DISC1: variants seen among roughly 807,000 people sequenced by gnomAD.
DISC1 encodes DISC1 scaffold protein.
Under a neutral mutation model 84.5 loss-of-function variants are expected in DISC1, and 57 were observed. The ratio of observed to expected loss-of-function variants is 0.67; its 90% confidence interval spans 0.55 to 0.84. The LOEUF (loss-of-function observed/expected upper bound fraction) is 0.84, where lower values mean the gene tolerates loss of function less well. DISC1 is among the 40% of genes least tolerant of loss of function. The pLI is 0.00. For missense variants in DISC1, 1,000 were observed against 1,057.8 expected (o/e 0.95, Z 0.76); for synonymous variants, 411 against 415.2 (o/e 0.99, Z 0.12).
At chr1:231,872,723 C>T (rs2085557485) in intron 9 of DISC1, among the ~76,000 whole-genome samples, 1 of 152,042 alleles carries the variant, frequency 6.6e-6, no homozygotes. Context: ...GACAGGCACA[C>T]AGTCTTCACA....
intron 3 of DISC1, among the ~76,000 whole-genome samples, chr1:231,732,292 G>A (rs1472517889): frequency 6.6e-6 from 1 of 152,150 alleles, no homozygotes; most frequent in South Asian, 2.1e-4. Flanking sequence ...ACAACCTTGT[G>A]TCCAGTGTAT....
chr1:232,021,312 A>G (rs2103029158), intron 11 of DISC1, among the ~76,000 whole-genome samples: 2 of 149,996 alleles, frequency 1.3e-5, no homozygotes, highest in Middle Eastern at 3.4e-3. Flanking sequence ...TTTCTAGGAA[A>G]TTTTTACTGT....
In DISC1 at chr1:231,675,560, G is replaced by A. The variant is rs2063058998; in HGVS notation, c.68-18266G>A. Among the ~76,000 whole-genome samples, 1 of 152,148 alleles carries A rather than the reference G, an allele frequency of 6.6e-6. No individual in the cohort carries two copies. Among genetic ancestry groups the A allele is most frequent in the Non-Finnish European group, 1.5e-5 (1 of 68,028 alleles). ...TTTACTCTCAAAATTTCCTGGGCTA[G>A]TAGGTCTCTCAAGGTGGCTGAGAGA... On this transcript the variant is annotated intron_variant, in intron 1 of 12. Transcript: ENST00000439617. The surrounding 1 kb of genome is among the most constrained non-coding windows in gnomAD (Gnocchi z 4.1).
At chr1:231,859,385 G>A (rs568695896) in intron 9 of DISC1, among the ~76,000 whole-genome samples, 11 of 152,286 alleles carry the variant, frequency 7.2e-5, no homozygotes, top group South Asian at 4.1e-4. Flanking sequence ...TGGTAGATTC[G>A]GTGTCTGGTG....
At chr1:231,829,541 G>A (rs974608702) in intron 9 of DISC1, among the ~76,000 whole-genome samples, 2 of 152,042 alleles carry the variant, frequency 1.3e-5, no homozygotes, top group South Asian at 2.1e-4. Context: ...TGGTAGAGAC[G>A]GGATTATGCC....
chr1:231,972,873 G>A (rs113043518), intron 10 of DISC1, among the ~76,000 whole-genome samples: 2 of 152,184 alleles, frequency 1.3e-5, no homozygotes, highest in African/African-American at 4.8e-5. Context: ...CTGTTACTGA[G>A]AGTGGTGACC....
intron 9 of DISC1, among the ~76,000 whole-genome samples, chr1:231,864,334 C>T (rs1471453582): frequency 6.6e-6 from 1 of 152,114 alleles, no homozygotes; most frequent in Non-Finnish European, 1.5e-5. Context: ...TAAGCGTTGC[C>T]TCTGTTTTCT....
At chr1:231,782,170 T>G (rs1268314559) in intron 6 of DISC1, among the ~76,000 whole-genome samples, 1 of 152,246 alleles carries the variant, frequency 6.6e-6, no homozygotes, top group Non-Finnish European at 1.5e-5. Flanking sequence ...TTTGGCAAAT[T>G]TCCTCAGCTT....
intron 8 of DISC1, among the ~76,000 whole-genome samples, chr1:231,802,406 G>A (rs566819660): frequency 6.6e-6 from 1 of 152,252 alleles, no homozygotes; most frequent in South Asian, 2.1e-4. Context: ...CTTCCGCCAT[G>A]ATTGTAAGTT....
intron 12 of DISC1, among the ~76,000 whole-genome samples, chr1:232,035,616 A>G (rs1220063065): frequency 6.6e-6 from 1 of 152,168 alleles, no homozygotes; most frequent in East Asian, 1.9e-4. Flanking sequence ...TGTCTGATCT[A>G]GTACTGTTGT....
chr1:231,839,309 A>G (rs1574189900), intron 9 of DISC1, among the ~76,000 whole-genome samples: 1 of 152,354 alleles, frequency 6.6e-6, no homozygotes, highest in Non-Finnish European at 1.5e-5. Flanking sequence ...CACGTAAAGT[A>G]GAAATACTAC....
At chr1:231,934,676 C>G (rs1223517494) in intron 9 of DISC1, among the ~76,000 whole-genome samples, 2 of 152,136 alleles carry the variant, frequency 1.3e-5, no homozygotes, top group African/African-American at 4.8e-5. Context: ...TGTTAGGTTT[C>G]TTAGGTGAAT....
In DISC1 at chr1:231,630,150, C is replaced by T. The variant is rs140798175; in HGVS notation, c.67+3216C>T. Among the ~76,000 whole-genome samples, 3 of 152,102 alleles carry T rather than the reference C, an allele frequency of 2.0e-5. No homozygotes were observed. Among genetic ancestry groups the T allele is most frequent in the South Asian group, 2.1e-4 (1 of 4,800 alleles). ...TTCACCATGTTGATCAGCATGGTCT[C>T]GATCTCCTGACCTTGTAATCTGCCC... On this transcript the variant is annotated intron_variant, in intron 1 of 12. Transcript: ENST00000439617. This position sits in a 1 kb window ranked among gnomAD's most constrained non-coding sequence, Gnocchi z 4.4.
chr1:231,985,299 C>A (rs1664246671), intron 10 of DISC1, among the ~76,000 whole-genome samples: 1 of 146,422 alleles, frequency 6.8e-6, no homozygotes, highest in Non-Finnish European at 1.5e-5. Flanking sequence ...GCACTCCAAC[C>A]TGGGCAACAA....
At chr1:231,712,096 A>C (rs1175003237) in intron 3 of DISC1, among the ~76,000 whole-genome samples, 1 of 152,146 alleles carries the variant, frequency 6.6e-6, no homozygotes, top group Non-Finnish European at 1.5e-5. Flanking sequence ...CAGGGATTGG[A>C]GTGGTAGCTC....
chr1:231,883,443 T>G (rs1158473175), intron 9 of DISC1, among the ~76,000 whole-genome samples: 1 of 151,938 alleles, frequency 6.6e-6, no homozygotes, highest in Non-Finnish European at 1.5e-5. Flanking sequence ...CAGGGACTTG[T>G]GATGAGGTTG....
rs183174722 is a variant in DISC1 at position 231,753,714 on chromosome 1, A to C, written c.1268+3638A>C. On this transcript the variant is annotated intron_variant, in intron 4 of 12. Transcript: ENST00000439617. ...TTTTCTACCACATGGCCAAGCTGCA[A>C]ATTTTCCAAACTTTTATGCTTTGTT... 1.9e-3 allele frequency among the ~76,000 whole-genome samples: 294 copies of C among 152,308 alleles called. 3 individuals are homozygous for C. Among genetic ancestry groups the C allele is most frequent in the African/African-American group, 6.8e-3 (281 of 41,562 alleles).
In DISC1 at chr1:231,949,897, C is replaced by T. The variant is rs183147780; in HGVS notation, c.1982-8931C>T. On this transcript the variant is annotated intron_variant, in intron 9 of 12. Transcript: ENST00000439617. ...TATTGTGTATTTGTAAAAACAGAGC[C>T]TTTGGCATAAAACCCAAGTGGGTCT... is the stretch of plus-strand genomic sequence containing the variant. 3.3e-4 allele frequency among the ~76,000 whole-genome samples: 50 copies of T among 152,324 alleles called. No individual in the cohort carries two copies. The East Asian group carries it at 5.8e-3, about 18-fold the overall frequency.
intron 9 of DISC1, among the ~76,000 whole-genome samples, chr1:231,859,695 G>A (rs1443137009): frequency 1.3e-5 from 2 of 152,174 alleles, no homozygotes; most frequent in African/African-American, 2.4e-5. Flanking sequence ...TTTTCTGAAA[G>A]TGGATTTCTA....
Sources: allele counts gnomAD v4.1 joint callset (sites outside exome capture counted in the v4.1 genomes callset), GRCh38; gene constraint gnomAD v4.1.1; non-coding constraint Gnocchi (gnomAD v3.1); transcripts MANE v1.5; gene names NCBI Gene and HGNC (gene_info 2026-07-23, HGNC 2026-07-21).